Variants in ZC3H12B observed in about 807,000 individuals in gnomAD.
ZC3H12B encodes zinc finger CCCH-type containing 12B.
A neutral mutation model predicts 43.9 loss-of-function variants in ZC3H12B; 7 were observed. That is an observed-to-expected ratio of 0.16 (90% CI 0.09 to 0.30). The LOEUF is 0.30. Among genes scored for constraint, ZC3H12B ranks in the 10% least tolerant of loss-of-function variants. The pLI, the probability that ZC3H12B is intolerant of heterozygous loss-of-function variation, is 1.00. For synonymous variants in ZC3H12B, 222 were observed against 241.7 expected (o/e 0.92, Z 0.76); for missense variants, 475 against 670.2 (o/e 0.71, Z 3.22).
At chrX:65,126,307 A>G in the ZC3H12B span, among the ~76,000 whole-genome samples, 2 of 111,203 alleles carry the variant, frequency 1.8e-5, no homozygotes, top group African/African-American at 6.5e-5. Flanking sequence ...GAGGCTAAAG[A>G]TAGGATCCAA....
the ZC3H12B span, among the ~76,000 whole-genome samples, chrX:65,233,844 A>T: frequency 9.0e-6 from 1 of 111,618 alleles, no homozygotes; most frequent in South Asian, 3.7e-4. Context: ...CCAGACTATG[A>T]AAAACAGGGA....
the ZC3H12B span, among the ~76,000 whole-genome samples, chrX:65,204,314 C>A: frequency 1.8e-5 from 2 of 112,081 alleles, no homozygotes; most frequent in South Asian, 7.4e-4. Flanking sequence ...AGCCATCTAG[C>A]TCTGCCTCTT....
chrX:65,220,692 G>C, the ZC3H12B span, among the ~76,000 whole-genome samples: 3 of 111,914 alleles, frequency 2.7e-5, no homozygotes, highest in Non-Finnish European at 5.7e-5. Flanking sequence ...GAACTCCCAA[G>C]TTTATAAAAC....
the ZC3H12B span, among the ~76,000 whole-genome samples, chrX:65,201,478 A>T: frequency 3.6e-5 from 4 of 110,039 alleles, no homozygotes; most frequent in African/African-American, 9.9e-5. Context: ...TATTTTATTA[A>T]TTTTTTCTTA....
chrX:65,122,587 G>A, the ZC3H12B span, among the ~76,000 whole-genome samples: 1 of 111,269 alleles, frequency 9.0e-6, no homozygotes, highest in African/African-American at 3.3e-5. Context: ...GAGACAGACT[G>A]GCAAATTGGA....
the ZC3H12B span, among the ~76,000 whole-genome samples, chrX:65,181,013 C>T: frequency 9.0e-6 from 1 of 111,208 alleles, no homozygotes; most frequent in Non-Finnish European, 1.9e-5. Flanking sequence ...TACTACAAAC[C>T]TACAGTAACC....
the ZC3H12B span, among the ~76,000 whole-genome samples, chrX:65,174,379 G>C: frequency 3.6e-5 from 4 of 112,056 alleles, no homozygotes; most frequent in South Asian, 1.5e-3. Flanking sequence ...ACTTCCTTTT[G>C]GCAGAATAAC....
At chrX:65,085,973 CAGATATT>C in the ZC3H12B span, among the ~76,000 whole-genome samples, 6 of 109,664 alleles carry the variant, frequency 5.5e-5, no homozygotes, top group Admixed American at 3.9e-4. Flanking sequence ...ACAATGATAT[CAGATATT>C]AGATATTAGA....
At chrX:65,134,228 G>A in the ZC3H12B span, among the ~76,000 whole-genome samples, 1 of 110,829 alleles carries the variant, frequency 9.0e-6, no homozygotes, top group Non-Finnish European at 1.9e-5. Context: ...GCTGCAATGT[G>A]TGTGAGCAGC....
At chrX:65,339,103 C>A in the ZC3H12B span, among the ~76,000 whole-genome samples, 2 of 111,639 alleles carry the variant, frequency 1.8e-5, no homozygotes, top group Admixed American at 9.5e-5. Context: ...CCTAAAGAAA[C>A]CCCTAAAGAC....
At chrX:65,325,848 G>A in the ZC3H12B span, among the ~76,000 whole-genome samples, 1 of 111,366 alleles carries the variant, frequency 9.0e-6, no homozygotes, top group East Asian at 2.8e-4. Flanking sequence ...AAAAATAGAT[G>A]CATCAAAAAA....
the ZC3H12B span, among the ~76,000 whole-genome samples, chrX:65,193,648 TTTA>T: frequency 1.8e-5 from 2 of 112,073 alleles, no homozygotes; most frequent in Admixed American, 9.5e-5. Context: ...TGCTCTGATT[TTTA>T]TTATTTCTTC....
At chrX:65,352,152 T>C in the ZC3H12B span, among the ~76,000 whole-genome samples, 12 of 111,433 alleles carry the variant, frequency 1.1e-4, no homozygotes, top group African/African-American at 3.9e-4. Flanking sequence ...AAATGATGAG[T>C]TCATGTTTTT....
chrX:65,108,696 G>A, the ZC3H12B span, among the ~76,000 whole-genome samples: 4 of 110,753 alleles, frequency 3.6e-5, no homozygotes, highest in Non-Finnish European at 5.7e-5. Context: ...GTATAGTGAA[G>A]TAAATACAGA....
At chrX:65,304,306 C>A in the ZC3H12B span, among the ~76,000 whole-genome samples, 3 of 111,290 alleles carry the variant, frequency 2.7e-5, no homozygotes, top group Admixed American at 1.9e-4. Context: ...AATTGAGTAA[C>A]CATATGCAAA....
the ZC3H12B span, among the ~76,000 whole-genome samples, chrX:65,307,805 T>G: frequency 8.9e-6 from 1 of 111,865 alleles, no homozygotes; most frequent in East Asian, 2.8e-4. Flanking sequence ...TTGGAATCAG[T>G]GATAAACACA....
the ZC3H12B span, among the ~76,000 whole-genome samples, chrX:65,251,325 GT>G: frequency 8.9e-6 from 1 of 111,804 alleles, no homozygotes; most frequent in Non-Finnish European, 1.9e-5. Flanking sequence ...GTACCATGCT[GT>G]TTTGGTTACT....
Position 65,415,921 on chromosome X carries a change from C to T in ZC3H12B, n.407+17217C>T, listed in dbSNP as rs149158983. Among the ~76,000 whole-genome samples, 994 of 111,818 alleles carry T rather than the reference C, an allele frequency of 8.9e-3. 15 individuals carry two copies. Among genetic ancestry groups the T allele is most frequent in the African/African-American group, 0.031 (940 of 30,734 alleles). On this transcript the variant is annotated intron_variant and non_coding_transcript_variant, in intron 3 of 5. Coordinates refer to the ZC3H12B transcript ENST00000617377. ...TCAGTTTCAAGTAATCCTCATTTAT[C>T]CTGCATCATTTGAAATGGGGGCATG...
At chrX:65,324,519 G>T in the ZC3H12B span, among the ~76,000 whole-genome samples, 1 of 111,448 alleles carries the variant, frequency 9.0e-6, no homozygotes, top group African/African-American at 3.2e-5. Flanking sequence ...TTTGTCTCAA[G>T]ATGTTTTTCA....
Sources: gnomAD v4.1 joint callset for allele counts (sites outside exome capture counted in the v4.1 genomes callset) on GRCh38, gnomAD v4.1.1 for gene constraint, MANE v1.5 for transcripts, NCBI Gene and HGNC (gene_info 2026-07-23, HGNC 2026-07-21) for gene names.